PEX11G: variants seen among roughly 807,000 people sequenced by gnomAD.
The protein encoded by PEX11G is peroxisomal membrane protein 11C.
Under a neutral mutation model 22.5 loss-of-function variants are expected in PEX11G, and 20 were observed. The observed-to-expected ratio is 0.89, with a 90% CI of 0.62 to 1.29. PEX11G has a LOEUF of 1.29. Ranked by LOEUF, PEX11G falls within the 50% of genes most tolerant of loss-of-function variation. The probability of loss-of-function intolerance (pLI) is 0.00; values close to 1 mark genes in which losing one functional copy is unlikely to be tolerated. For missense variants in PEX11G, 347 were observed against 331.3 expected (o/e 1.05, Z -0.37); for synonymous variants, 141 against 154.5 (o/e 0.91, Z 0.65).
chr19:7,480,680 G>C (rs941449824), intron 3 of PEX11G, among the ~76,000 whole-genome samples: 5 of 152,114 alleles, frequency 3.3e-5, no homozygotes, highest in Non-Finnish European at 7.4e-5. Flanking sequence ...CTGTGCCGGG[G>C]GGAAAACAAG....
chr19:7,489,328 T>G, upstream of PEX11G: 1 of 1,135,786 alleles, frequency 8.8e-7, no homozygotes, highest in Middle Eastern at 3.7e-4. Flanking sequence ...TCCAAAAATA[T>G]TCCAAGCAAA....
chr19:7,479,700 A>G (rs145058594), intron 3 of PEX11G, among the ~76,000 whole-genome samples: 1 of 152,252 alleles, frequency 6.6e-6, no homozygotes, highest in East Asian at 1.9e-4. Flanking sequence ...GGCGGGGCAC[A>G]CAGGACTTCG....
intron 4 of PEX11G, 27 bp downstream of exon 4, chr19:7,478,287 C>T (rs781761000): frequency 7.5e-6 from 12 of 1,606,134 alleles, no homozygotes; most frequent in African/African-American, 4.0e-5. Context: ...GAGTGGGCCT[C>T]CCTGCTGGGT....
rs764074801 is a variant in PEX11G at position 7,488,645 on chromosome 19, C to CA, written c.60+305dup. Among the ~76,000 whole-genome samples the CA allele has an allele frequency of 2.2e-4, 33 of 152,022 alleles. 1 individual carries two copies. The highest frequency in any genetic ancestry group is 4.0e-4 in the Non-Finnish European group (27 of 67,976). On this transcript the variant is annotated intron_variant, in intron 1 of 4. Transcript: ENST00000221480. Reference sequence around the variant, plus strand: ...TGAAACTCCGTCTCTACTAAAAATACAAAAAAATAGCAGGGAGTGGTGGCG... The same window carrying CA: ...TGAAACTCCGTCTCTACTAAAAATACAAAAAAAATAGCAGGGAGTGGTGGCG...
At position 7,482,166 on chromosome 19, in the gene PEX11G, C is replaced by T. The variant is rs144344998; in HGVS notation, c.295G>A (p.Ala99Thr). ...TCACAGGGGTAGTAGAGCTGGTCAG[C>T]CAGGTTCCCTAGGACGGAGACACAG... ...VRCVSVLGNL[A>T]DQLYYPCEHV... The change falls in exon 3 of 5, where the codon GCT becomes ACT. Residue 99 changes from alanine (A) to threonine (T), a missense_variant. Transcript: ENST00000221480. The T allele has an allele frequency of 2.5e-6, 4 of 1,587,608 alleles. No individual in the cohort carries two copies. Among genetic ancestry groups the T allele is most frequent in the South Asian group, 1.1e-5 (1 of 87,002 alleles).
intron 1 of PEX11G, among the ~76,000 whole-genome samples, chr19:7,488,104 T>G (rs2021745021): frequency 6.6e-6 from 1 of 152,232 alleles, no homozygotes; most frequent in African/African-American, 2.4e-5. Flanking sequence ...TGAGATTGTT[T>G]GGGACAACCC....
rs768333552 is a variant in PEX11G, at chr19:7,488,961, C to T, written c.50G>A (p.Arg17Gln). 5.1e-6 allele frequency: 8 copies of T among 1,555,046 alleles called. No homozygotes were observed. Among genetic ancestry groups the T allele is most frequent in the East Asian group, 2.4e-5 (1 of 41,270 alleles). Reference sequence around the variant, plus strand: ...CCGCCCCTGCCTCACCAGGCGGTCCCGGCCCCTGTACGACTCCAGCGCCGA... The same window carrying T: ...CCGCCCCTGCCTCACCAGGCGGTCCTGGCCCCTGTACGACTCCAGCGCCGA... ...LASALESYRGRDRLIRVLGYC... is the reference protein window; with the variant it reads ...LASALESYRGQDRLIRVLGYC... The change falls in exon 1 of 5, where the codon CGG (arginine) becomes CAG (glutamine). Residue 17 changes from arginine to glutamine, a missense_variant. Coordinates refer to ENST00000221480, the MANE Select transcript of PEX11G (RefSeq NM_080662.4).
rs1267991148 is a variant in PEX11G at position 7,482,348 on chromosome 19, G to A, written c.250-137C>T. 6.1e-5 allele frequency: 63 copies of A among 1,024,916 alleles called. 1 individual carries two copies. In the South Asian group the frequency reaches 8.5e-4, roughly 14 times the overall value. 63.5% of individuals were successfully genotyped at this position (1,024,916 alleles called of 1,614,324 possible). ...CGTGTCCAGGCCTGGCAGGCCCCGCGGGAGAAAGGCTCTGGGGCTGGGGTC... is the reference window on the plus strand; with the variant it reads ...CGTGTCCAGGCCTGGCAGGCCCCGCAGGAGAAAGGCTCTGGGGCTGGGGTC... On this transcript the variant is annotated intron_variant, in intron 2 of 4. Transcript: ENST00000221480.
chr19:7,493,849 A>C (rs888718005), upstream of PEX11G, among the ~76,000 whole-genome samples: 5 of 151,656 alleles, frequency 3.3e-5, no homozygotes, highest in African/African-American at 1.2e-4. Flanking sequence ...CAAAAAAAAA[A>C]AAAAGACTTG....
chr19:7,482,093 G>A lies in PEX11G; in HGVS notation c.368C>T (p.Ser123Phe), dbSNP rs1378586164. ...ADARVLHVDS[S>F]RWWTLSTTLW... ...GGTTGTACTCAGCGTCCACCACCGAGAAGAGTCCACGTGGAGGACCCGGGC... is the reference window on the plus strand; with the variant it reads ...GGTTGTACTCAGCGTCCACCACCGAAAAGAGTCCACGTGGAGGACCCGGGC... The change falls in exon 3 of 5, where the codon TCT becomes TTT. Residue 123 changes from serine to phenylalanine, a missense_variant. By Grantham distance (155) the Ser-to-Phe change is radical. Coordinates refer to ENST00000221480, the MANE Select transcript of PEX11G (RefSeq NM_080662.4). 1 of 1,605,984 alleles carries A rather than the reference G, an allele frequency of 6.2e-7. No individual in the cohort carries two copies. Among genetic ancestry groups the A allele is most frequent in the Non-Finnish European group, 8.5e-7 (1 of 1,177,084 alleles).
Position 7,489,026 on chromosome 19 carries a change from T to G in PEX11G, c.-16A>C. 6.6e-7 allele frequency: 1 copy of G among 1,507,144 alleles called. No individual in the cohort carries two copies. Among genetic ancestry groups the G allele is most frequent in the Non-Finnish European group, 8.8e-7 (1 of 1,132,876 alleles). The allele number at this position is 1,507,144 out of a possible 1,614,324, so 93.4% of individuals were successfully genotyped here. A position where few individuals can be genotyped will look rare whatever the true frequency, so the allele number is the denominator to read the frequency against. On this transcript the variant is annotated 5_prime_UTR_variant, in exon 1 of 5. Transcript: ENST00000221480. Reference sequence around the variant, plus strand: ...GCGACGCCATGGCAACTCCGTGACGTCACCGCGACGTCGGCGCGCCGCGCC... The same window carrying G: ...GCGACGCCATGGCAACTCCGTGACGGCACCGCGACGTCGGCGCGCCGCGCC...
upstream of PEX11G, chr19:7,489,462 G>A (rs2145982856): frequency 2.0e-6 from 2 of 991,458 alleles, no homozygotes; most frequent in South Asian, 4.6e-5. Context: ...TCACAACAAG[G>A]CATCTTTCGA....
At position 7,488,943 on chromosome 19, in the gene PEX11G, T is replaced by C. The variant is rs772633135; in HGVS notation, c.60+8A>G. ...AGGACCTCCGGCCCCGGTCCGCCCC[T>C]GCCTCACCAGGCGGTCCCGGCCCCT... On this transcript the variant is annotated splice_region_variant and intron_variant, in intron 1 of 4. Transcript: ENST00000221480. 1 of 1,551,286 alleles carries C rather than the reference T, an allele frequency of 6.4e-7. No homozygotes were observed. The highest frequency in any genetic ancestry group is 1.2e-5 in the South Asian group (1 of 84,216).
At chr19:7,482,274 T>C (rs2145963013) in intron 2 of PEX11G, 63 bp from the exon 3 acceptor site, 2 of 1,459,038 alleles carry the variant, frequency 1.4e-6, no homozygotes, top group South Asian at 2.6e-5. Context: ...TTTAGCACCG[T>C]AGCCATGCCA....
chr19:7,487,636 G>A (rs937729405), intron 1 of PEX11G, among the ~76,000 whole-genome samples: 1 of 152,088 alleles, frequency 6.6e-6, no homozygotes, highest in African/African-American at 2.4e-5. Context: ...TTCCCAGGCT[G>A]GTCTCAAACT....
At chr19:7,483,174 CCT>C (rs1159421561) in intron 2 of PEX11G, 1 of 151,886 alleles carries the variant, frequency 6.6e-6, no homozygotes, top group African/African-American at 2.4e-5. Flanking sequence ...CCCTTCCCCT[CCT>C]CTCTGACTTC....
intron 1 of PEX11G, among the ~76,000 whole-genome samples, chr19:7,494,803 G>A (rs1351448122): frequency 6.6e-6 from 1 of 152,144 alleles, no homozygotes; most frequent in East Asian, 1.9e-4. Context: ...CTCTGTGACC[G>A]CGGCAGAGCA....
At chr19:7,487,484 A>G (rs1360818371) in intron 1 of PEX11G, among the ~76,000 whole-genome samples, 1 of 152,050 alleles carries the variant, frequency 6.6e-6, no homozygotes, top group African/African-American at 2.4e-5. Context: ...CTCGAGTGCA[A>G]AGGTGTGAGC....
At position 7,482,182 on chromosome 19, in the gene PEX11G, G is replaced by A. The variant is rs1292914535; in HGVS notation, c.279C>T (p.Ser93=). The A allele has an allele frequency of 1.2e-5, 19 of 1,581,852 alleles. No individual in the cohort carries two copies. The East Asian group carries it at 2.8e-4, about 23-fold the overall frequency. Residue 93 remains serine, a synonymous_variant, in exon 3 of 5, where the codon TCC becomes TCT. Coordinates refer to ENST00000221480, the MANE Select transcript of PEX11G (RefSeq NM_080662.4). ...GCTGGTCAGCCAGGTTCCCTAGGAC[G>A]GAGACACAGCGGACAAAGGCGTCCT... ...QEEDAFVRCV[S]VLGNLADQLY... is the part of the protein sequence containing the mutation.
Sources: allele counts gnomAD v4.1 joint callset (sites outside exome capture counted in the v4.1 genomes callset), GRCh38; gene constraint gnomAD v4.1.1; transcripts MANE v1.5; gene names NCBI Gene and HGNC (gene_info 2026-07-23, HGNC 2026-07-21).